Variants in ZNF529 observed in about 807,000 individuals in gnomAD.
ZNF529 encodes zinc finger protein 529.
In ZNF529, 11 loss-of-function variants were observed where a neutral mutation model predicts 10.1. The ratio of observed to expected loss-of-function variants is 1.09; its 90% confidence interval spans 0.69 to 1.81. The LOEUF is 1.81. Ranked by LOEUF, ZNF529 falls within the 40% of genes most tolerant of loss-of-function variation. ZNF529 has a pLI of 0.00. For synonymous variants in ZNF529, 204 were observed against 215.7 expected (o/e 0.95, Z 0.47); for missense variants, 624 against 666.8 (o/e 0.94, Z 0.71).
rs942952426 is a variant in ZNF529 at position 36,547,658 on chromosome 19, A to C, written c.900T>G (p.His300Gln). 1 of 1,613,700 alleles carries C rather than the reference A, an allele frequency of 6.2e-7. No homozygotes were observed. Among genetic ancestry groups the C allele is most frequent in the Non-Finnish European group, 8.5e-7 (1 of 1,179,818 alleles). ...SFRVHAQLTR[H>Q]QKIHTDEKTY... ...TTTTCTCATCAGTATGGATTTTCTG[A>C]TGTCGAGTAAGTTGTGCATGCACTC... is the stretch of plus-strand genomic sequence containing the variant. Residue 300 changes from histidine (H) to glutamine (Q), a missense_variant, in exon 5 of 5, where the codon CAT (histidine) becomes CAG (glutamine). His to Gln is a conservative substitution (Grantham distance 24). Transcript: ENST00000591340.
intron 1 of ZNF529, among the ~76,000 whole-genome samples, chr19:36,598,372 G>A (rs1033515623): frequency 6.6e-6 from 1 of 151,816 alleles, no homozygotes; most frequent in Non-Finnish European, 1.5e-5. Context: ...TAGCCGGGCC[G>A]AGTGACATGC....
chr19:36,550,001 G>A (rs1459883515), intron 4 of ZNF529, among the ~76,000 whole-genome samples: 1 of 152,186 alleles, frequency 6.6e-6, no homozygotes, highest in Non-Finnish European at 1.5e-5. Flanking sequence ...AGACAAGATT[G>A]GAAGGCACTT....
intron 1 of ZNF529, among the ~76,000 whole-genome samples, chr19:36,572,726 C>CT (rs201874140): frequency 1.6e-5 from 2 of 124,002 alleles, no homozygotes; most frequent in Non-Finnish European, 4.0e-5. Flanking sequence ...TCTTATCTAT[C>CT]TATCTATCTA....
At chr19:36,600,557 C>T (rs938881258) in intron 1 of ZNF529, among the ~76,000 whole-genome samples, 5 of 152,102 alleles carry the variant, frequency 3.3e-5, no homozygotes, top group African/African-American at 1.2e-4. Flanking sequence ...TTAATATTTA[C>T]ATAATACAGG....
At chr19:36,588,332 C>T (rs1019932800) in intron 2 of ZNF529, among the ~76,000 whole-genome samples, 5 of 152,184 alleles carry the variant, frequency 3.3e-5, no homozygotes, top group Middle Eastern at 3.4e-3. Context: ...AATGAAATTC[C>T]GTGGGAGATC....
intron 4 of ZNF529, 127 bp from the exon 5 acceptor site, chr19:36,548,449 G>C (rs2035137536): frequency 1.1e-6 from 1 of 877,684 alleles, no homozygotes; most frequent in Admixed American, 3.1e-5. Context: ...AAGATAAAGA[G>C]AGCTCACAGA....
chr19:36,579,246 A>T (rs1044063904), intron 2 of ZNF529, among the ~76,000 whole-genome samples: 9 of 152,170 alleles, frequency 5.9e-5, no homozygotes, highest in African/African-American at 2.2e-4. Context: ...TTCTAAGCTG[A>T]GAAAGCTACT....
chr19:36,596,898 G>A (rs10406248), intron 1 of ZNF529, among the ~76,000 whole-genome samples: 4,647 of 152,010 alleles, frequency 0.031, 105 homozygotes, highest in East Asian at 0.072. Context: ...TGTTCTTTTC[G>A]TCCCTCGCTC....
chr19:36,576,882 G>C (rs920743633), upstream of ZNF529, among the ~76,000 whole-genome samples: 17 of 151,780 alleles, frequency 1.1e-4, no homozygotes, highest in African/African-American at 4.1e-4. Context: ...GTACTCAGGA[G>C]AGCCCATACA....
rs2035054933 is a variant in ZNF529, at chr19:36,547,082, G to A, written c.1476C>T (p.Ala492=). 6.2e-7 allele frequency: 1 copy of A among 1,613,078 alleles called. No homozygotes were observed. The highest frequency in any genetic ancestry group is 1.3e-5 in the African/African-American group (1 of 74,652). Residue 492 remains alanine (A), a synonymous_variant, in exon 5 of 5, where the codon GCC becomes GCT. Coordinates refer to ENST00000591340, the MANE Select transcript of ZNF529 (RefSeq NM_020951.5). ...VCGKAFRHSS[A]LTEHQRIHTG... is the part of the protein sequence containing the mutation. ...TATGAATTCTCTGATGTTCTGTAAG[G>A]GCTGAACTATGTCTAAAGGCCTTCC...
intron 2 of ZNF529, among the ~76,000 whole-genome samples, chr19:36,584,444 A>T (rs773013525): frequency 3.9e-5 from 6 of 152,150 alleles, no homozygotes; most frequent in Non-Finnish European, 8.8e-5. Flanking sequence ...ACGGAATTTC[A>T]AAACAAATTA....
At chr19:36,600,459 G>T (rs868394122) in intron 1 of ZNF529, among the ~76,000 whole-genome samples, 1 of 152,058 alleles carries the variant, frequency 6.6e-6, no homozygotes, top group Non-Finnish European at 1.5e-5. Flanking sequence ...AATGTTATAT[G>T]ATATTCCATC....
At chr19:36,560,520 C>T (rs1475343624) in intron 2 of ZNF529, among the ~76,000 whole-genome samples, 2 of 151,898 alleles carry the variant, frequency 1.3e-5, no homozygotes, top group African/African-American at 4.8e-5. Flanking sequence ...TGAGGAGAAC[C>T]CAAAGTGAGA....
At position 36,563,159 on chromosome 19, in the gene ZNF529, C is replaced by T. The variant is rs138712371; in HGVS notation, c.15-6962G>A. ...TATGGGTGCCAGGCGCGGTGGCTCA[C>T]GCCTGTAATCCCAGCACTTTGGGAG... On this transcript the variant is annotated intron_variant, in intron 2 of 4. Transcript: ENST00000591340. Among the ~76,000 whole-genome samples the T allele has an allele frequency of 2.4e-4, 37 of 151,982 alleles. No individual in the cohort carries two copies. The East Asian group carries it at 4.7e-3, about 19-fold the overall frequency.
Position 36,546,689 on chromosome 19 carries a change from CTATAAGTA to C in ZNF529, c.*169_*176del. ...AAATATTTGGCAACATCTAACAAAG[CTATAAGTA>C]TATATCAGCTATGACTAAGCAATTC... On this transcript the variant is annotated 3_prime_UTR_variant, in exon 5 of 5. Transcript: ENST00000591340. The C allele has an allele frequency of 1.6e-6, 1 of 608,296 alleles. No homozygotes were observed. Among genetic ancestry groups the C allele is most frequent in the Non-Finnish European group, 2.6e-6 (1 of 384,248 alleles). 37.7% of individuals were successfully genotyped at this position (608,296 alleles called of 1,614,324 possible).
chr19:36,566,740 C>A (rs1376400983), intron 2 of ZNF529, among the ~76,000 whole-genome samples: 9 of 151,846 alleles, frequency 5.9e-5, no homozygotes, highest in Non-Finnish European at 1.2e-4. Context: ...AAAAAAAGGG[C>A]CAGGCCTGGT....
intron 2 of ZNF529, among the ~76,000 whole-genome samples, chr19:36,588,722 C>T (rs2036636441): frequency 6.6e-6 from 1 of 152,156 alleles, no homozygotes; most frequent in Non-Finnish European, 1.5e-5. Flanking sequence ...CAGACAATGG[C>T]AGCAAGAAGT....
intron 1 of ZNF529, among the ~76,000 whole-genome samples, chr19:36,602,246 C>A (rs1383135730): frequency 1.3e-5 from 2 of 151,582 alleles, no homozygotes; most frequent in Admixed American, 1.3e-4. Flanking sequence ...TGGTGTTTTG[C>A]CATGTTGGTC....
In ZNF529 at chr19:36,548,221, C is replaced by CATT. The variant is rs757230165; in HGVS notation, c.336_337insAAT (p.Cys112_Gly113insAsn). 315 of 1,613,636 alleles carry CATT rather than the reference C, an allele frequency of 2.0e-4. 1 individual carries two copies. The highest frequency in any genetic ancestry group is 1.4e-4 in the Non-Finnish European group (162 of 1,179,840). On this transcript the variant is annotated inframe_insertion, in exon 5 of 5. Coordinates refer to ENST00000591340, the MANE Select transcript of ZNF529 (RefSeq NM_020951.5). ...TTTCTGAAAATGGAACCTTCAAGGC[C>CATT]ACATAACTTGCTACTTTCCATTACC...
Sources: gnomAD v4.1 joint callset for allele counts (sites outside exome capture counted in the v4.1 genomes callset) on GRCh38, gnomAD v4.1.1 for gene constraint, MANE v1.5 for transcripts, NCBI Gene and HGNC (gene_info 2026-07-23, HGNC 2026-07-21) for gene names.